SAMD12: variants seen among roughly 807,000 people sequenced by gnomAD.
The protein encoded by SAMD12 is sterile alpha motif domain-containing protein 12.
SAMD12 carries 9 observed loss-of-function variants against 15.0 expected under a neutral mutation model. The observed-to-expected ratio is 0.60, with a 90% CI of 0.36 to 1.05. SAMD12 has a LOEUF of 1.05. Ranked by LOEUF, SAMD12 falls within the 50% of genes least tolerant of loss-of-function variation. The pLI is 0.01. For missense variants in SAMD12, 230 were observed against 234.2 expected (o/e 0.98, Z 0.12); for synonymous variants, 86 against 90.1 (o/e 0.96, Z 0.25).
chr8:118,572,671 T>TC (rs1424058868), intron 2 of SAMD12, among the ~76,000 whole-genome samples: 7 of 152,180 alleles, frequency 4.6e-5, no homozygotes, highest in African/African-American at 1.7e-4. Context: ...GCCTTGCTCC[T>TC]CTTTGCCTTC....
intron 2 of SAMD12, among the ~76,000 whole-genome samples, chr8:118,567,142 ATAGT>A (rs1239710731): frequency 1.3e-5 from 2 of 152,188 alleles, no homozygotes; most frequent in African/African-American, 4.8e-5. Context: ...CATGAGGTAG[ATAGT>A]ATTATTATTC....
chr8:118,532,592 C>A (rs1401078926), intron 2 of SAMD12, among the ~76,000 whole-genome samples: 1 of 152,124 alleles, frequency 6.6e-6, no homozygotes, highest in East Asian at 1.9e-4. Context: ...TTCGTAGGCT[C>A]TTAATTGTTG....
intron 4 of SAMD12, among the ~76,000 whole-genome samples, chr8:118,203,189 T>G (rs1291808364): frequency 6.6e-6 from 1 of 152,184 alleles, no homozygotes; most frequent in Non-Finnish European, 1.5e-5. Flanking sequence ...TGTGTTTGCA[T>G]AAAAGAATTC....
intron 4 of SAMD12, among the ~76,000 whole-genome samples, chr8:118,333,838 C>A (rs961601328): frequency 6.7e-6 from 1 of 149,220 alleles, no homozygotes; most frequent in African/African-American, 2.5e-5. Flanking sequence ...TGTGTGTGCC[C>A]GTTGGCGGGG....
intron 4 of SAMD12, among the ~76,000 whole-genome samples, chr8:118,226,550 C>G (rs758354990): frequency 2.8e-4 from 42 of 152,180 alleles, no homozygotes; most frequent in Admixed American, 7.9e-4. Context: ...ACCCATCCAT[C>G]CATCCATCAA....
Position 118,263,698 on chromosome 8 carries a change from G to A in SAMD12, c.434-65966C>T, listed in dbSNP as rs745931061. Among the ~76,000 whole-genome samples the A allele has an allele frequency of 6.5e-4, 99 of 152,196 alleles. 1 individual carries two copies. Among genetic ancestry groups the A allele is most frequent in the Middle Eastern group, 3.4e-3 (1 of 294 alleles). On this transcript the variant is annotated intron_variant, in intron 4 of 4. Transcript: ENST00000409003. ...AGAAAGACTCCAACAAACATGAGAGGAGCCTATGTGAAAATACAATGGAAG... is the reference window on the plus strand; with the variant it reads ...AGAAAGACTCCAACAAACATGAGAGAAGCCTATGTGAAAATACAATGGAAG...
At chr8:118,460,194 C>T in intron 2 of SAMD12, among the ~76,000 whole-genome samples, 1 of 152,230 alleles carries the variant, frequency 6.6e-6, no homozygotes, top group East Asian at 1.9e-4. Flanking sequence ...CTATAATTCA[C>T]ATGGTCCTAT....
chr8:118,355,197 A>C (rs1818172871), intron 4 of SAMD12, among the ~76,000 whole-genome samples: 1 of 152,260 alleles, frequency 6.6e-6, no homozygotes, highest in Non-Finnish European at 1.5e-5. Flanking sequence ...ATACGATGGA[A>C]TACTATTCAG....
At chr8:118,183,805 G>C in the SAMD12 span, among the ~76,000 whole-genome samples, 2 of 152,078 alleles carry the variant, frequency 1.3e-5, no homozygotes, top group Non-Finnish European at 2.9e-5. Flanking sequence ...CCAGTAGGGA[G>C]TTTTTCATCC....
At chr8:118,251,485 C>CT (rs1282078826) in intron 4 of SAMD12, among the ~76,000 whole-genome samples, 2 of 152,092 alleles carry the variant, frequency 1.3e-5, no homozygotes, top group Non-Finnish European at 2.9e-5. Context: ...TTCACCAGGT[C>CT]TTTTTACGCC....
chr8:118,362,363 T>C (rs1013572737), intron 4 of SAMD12, among the ~76,000 whole-genome samples: 4 of 152,202 alleles, frequency 2.6e-5, no homozygotes, highest in Admixed American at 2.6e-4. Flanking sequence ...TAAAATTTGC[T>C]CTATTATTTC....
chr8:118,282,359 C>T (rs1245531504), intron 4 of SAMD12: 2 of 456,260 alleles, frequency 4.4e-6, no homozygotes, highest in East Asian at 6.9e-5. Context: ...CTTCTCAATG[C>T]TCTCGTATAG....
chr8:118,365,125 T>A (rs967743590), intron 4 of SAMD12, among the ~76,000 whole-genome samples: 1 of 152,216 alleles, frequency 6.6e-6, no homozygotes, highest in African/African-American at 2.4e-5. Flanking sequence ...ATTCCAGTCC[T>A]TTCCTTACTT....
At chr8:118,545,382 G>T (rs961367035) in intron 2 of SAMD12, among the ~76,000 whole-genome samples, 3 of 152,110 alleles carry the variant, frequency 2.0e-5, no homozygotes, top group African/African-American at 7.2e-5. Flanking sequence ...CAGGAGAATC[G>T]CTTGAGCCTG....
chr8:118,327,197 A>C (rs1408498268), intron 4 of SAMD12, among the ~76,000 whole-genome samples: 3 of 152,168 alleles, frequency 2.0e-5, no homozygotes, highest in African/African-American at 7.2e-5. Context: ...TGTTTTTTAA[A>C]CGACCTCCTG....
chr8:118,486,423 AAAAG>A lies in SAMD12; in HGVS notation c.193-46466_193-46463del, dbSNP rs1362592483. ...AGAGAGAGAATCCGTCTAAAAAAAA[AAAAG>A]AGAGAGAGAGTAGCAAAAGATGGGG... On this transcript the variant is annotated intron_variant, in intron 2 of 3. Coordinates refer to ENST00000314727, the MANE Select transcript of SAMD12 (RefSeq NM_207506.3). Among the ~76,000 whole-genome samples, 9 of 125,934 alleles carry A rather than the reference AAAAG, an allele frequency of 7.1e-5. No individual in the cohort carries two copies. The East Asian group carries it at 2.3e-3, about 32-fold the overall frequency. The allele number at this position is 125,934 out of a possible 152,430, so 82.6% of individuals were successfully genotyped here.
chr8:118,165,428 G>A, the SAMD12 span, among the ~76,000 whole-genome samples: 10 of 151,786 alleles, frequency 6.6e-5, no homozygotes, highest in Non-Finnish European at 1.3e-4. Flanking sequence ...GCTAATTTTT[G>A]TATTTTTAGT....
intron 2 of SAMD12, among the ~76,000 whole-genome samples, chr8:118,441,622 A>G (rs1363137040): frequency 6.6e-6 from 1 of 152,196 alleles, no homozygotes; most frequent in Admixed American, 6.5e-5. Context: ...ATATATTCAT[A>G]TATGTATGTT....
At chr8:118,573,028 G>C (rs989742321) in intron 2 of SAMD12, among the ~76,000 whole-genome samples, 3 of 152,262 alleles carry the variant, frequency 2.0e-5, no homozygotes, top group African/African-American at 7.2e-5. Flanking sequence ...CTGCTGCCCT[G>C]TGAAGAGGTA....
Sources: gnomAD v4.1 joint callset for allele counts (sites outside exome capture counted in the v4.1 genomes callset) on GRCh38, gnomAD v4.1.1 for gene constraint, MANE v1.5 for transcripts, NCBI Gene and HGNC (gene_info 2026-07-23, HGNC 2026-07-21) for gene names.